Variants in EFCC1 observed in about 807,000 individuals in gnomAD.
EFCC1 encodes the protein EF-hand and coiled-coil domain-containing protein 1.
In EFCC1, 50 loss-of-function variants were observed where a neutral mutation model predicts 52.1. The ratio of observed to expected loss-of-function variants is 0.96; its 90% CI spans 0.76 to 1.21. The LOEUF is 1.21. EFCC1 is among the 50% of genes most tolerant of loss of function. EFCC1 has a pLI of 0.00. For synonymous variants in EFCC1, 399 were observed against 396.5 expected (o/e 1.01, Z -0.08); for missense variants, 837 against 867.3 (o/e 0.97, Z 0.44).
Position 129,003,993 on chromosome 3 carries a change from T to A in EFCC1, c.896T>A (p.Val299Glu), listed in dbSNP as rs1048329805. Residue 299 changes from valine (V) to glutamate (E), a missense_variant, in exon 2 of 8, where the codon GTG (valine) becomes GAG (glutamate). By Grantham distance (121) the Val-to-Glu change is moderately radical. Coordinates refer to ENST00000683648, the MANE Select transcript of EFCC1 (RefSeq NM_001377500.1). ...GTGGTGCTGCGCAGCCTGCACCGCG[T>A]GCGAGAGCTGGAGGCGCTGGCGCAA... ...RQVVLRSLHRVRELEALAQQV... is the reference protein window; with the variant it reads ...RQVVLRSLHRERELEALAQQV... 6 of 1,501,580 alleles carry A rather than the reference T, an allele frequency of 4.0e-6. No individual in the cohort carries two copies. The highest frequency in any genetic ancestry group is 2.9e-5 in the African/African-American group (2 of 69,088). 93.0% of individuals were successfully genotyped at this position (1,501,580 alleles called of 1,614,324 possible). A position where few individuals can be genotyped will look rare whatever the true frequency, so the allele number is the denominator to read the frequency against.
Position 129,001,491 on chromosome 3 carries a change from G to T in EFCC1, c.-138G>T. On this transcript the variant is annotated 5_prime_UTR_variant, in exon 1 of 8. Coordinates refer to ENST00000683648, the MANE Select transcript of EFCC1 (RefSeq NM_001377500.1). ...CACTGTGAGGCCAGCGCAGCTGCTG[G>T]ACACGGTCCCCGGCGCCGCTCCAAC... 1.6e-6 allele frequency: 2 copies of T among 1,278,042 alleles called. No individual in the cohort carries two copies. Among genetic ancestry groups the T allele is most frequent in the South Asian group, 2.3e-5 (1 of 44,086 alleles). The allele number at this position is 1,278,042 out of a possible 1,614,324, so 79.2% of individuals were successfully genotyped here.
chr3:129,016,694 A>G (rs1001112792), intron 2 of EFCC1, among the ~76,000 whole-genome samples: 1 of 152,108 alleles, frequency 6.6e-6, no homozygotes, highest in African/African-American at 2.4e-5. Context: ...CACTGGCCCC[A>G]CTTCTCTGGT....
At chr3:129,039,136 T>C (rs1946392785) in intron 7 of EFCC1, among the ~76,000 whole-genome samples, 1 of 152,218 alleles carries the variant, frequency 6.6e-6, no homozygotes. Context: ...CCGGCAGCAC[T>C]GCAGCCACAT....
In EFCC1 at chr3:129,001,573, T is replaced by C; in HGVS notation, c.-56T>C. On this transcript the variant is annotated 5_prime_UTR_variant, in exon 1 of 8. Transcript: ENST00000683648. ...GAAACTCTGGGGCCGCCCCTGGAAG[T>C]GGCGGGGCGAAGGGACCGGAGGAGG... 3 of 1,346,298 alleles carry C rather than the reference T, an allele frequency of 2.2e-6. No homozygotes were observed. The South Asian group carries it at 5.6e-5, about 25-fold the overall frequency. 83.4% of individuals were successfully genotyped at this position (1,346,298 alleles called of 1,614,324 possible). A position where few individuals can be genotyped will look rare whatever the true frequency, so the allele number is the denominator to read the frequency against.
intron 2 of EFCC1, among the ~76,000 whole-genome samples, chr3:129,008,877 T>A (rs1047506417): frequency 6.6e-6 from 1 of 152,114 alleles, no homozygotes; most frequent in Non-Finnish European, 1.5e-5. Context: ...GATCCTGCTT[T>A]CCCACAGCTG....
At chr3:129,003,164 T>A in intron 1 of EFCC1, 1 of 923,162 alleles carries the variant, frequency 1.1e-6, no homozygotes, top group South Asian at 5.0e-5. Context: ...GGTGTGGTTT[T>A]CAGTGTCAGT....
chr3:129,026,926 A>C lies in EFCC1; in HGVS notation c.981-3777A>C, dbSNP rs1410396683. Reference sequence around the variant, plus strand: ...TTTTATGAATCAGAGTCATGGGCTCAAAAAACACGAAATTCCAGGGTTAGC... The same window carrying C: ...TTTTATGAATCAGAGTCATGGGCTCCAAAAACACGAAATTCCAGGGTTAGC... On this transcript the variant is annotated intron_variant, in intron 2 of 7. Coordinates refer to ENST00000683648, the MANE Select transcript of EFCC1 (RefSeq NM_001377500.1). Among the ~76,000 whole-genome samples the C allele has an allele frequency of 2.0e-5, 3 of 152,214 alleles. No individual in the cohort carries two copies. The East Asian group carries it at 5.8e-4, about 29-fold the overall frequency.
At position 129,014,208 on chromosome 3, in the gene EFCC1, C is replaced by T. The variant is rs1022486433; in HGVS notation, c.980+10131C>T. ...GCTGGGAAGAGGCAGAGACCCTGCC[C>T]TCGTGGACCAACTCTCAGTGCGTTA... is the stretch of plus-strand genomic sequence containing the variant. On this transcript the variant is annotated intron_variant, in intron 2 of 7. Transcript: ENST00000683648. This position sits in a 1 kb window ranked among gnomAD's most constrained non-coding sequence, Gnocchi z 4.3. 5.9e-5 allele frequency among the ~76,000 whole-genome samples: 9 copies of T among 152,356 alleles called. No homozygotes were observed.
chr3:129,039,916 C>A lies in EFCC1; in HGVS notation c.*68C>A. ...CCTTTGGACCAGCCTCCATGATCAG[C>A]CCAACCACTGACAGCTGGTCTGACC... On this transcript the variant is annotated 3_prime_UTR_variant, in exon 8 of 8. Coordinates refer to ENST00000683648, the MANE Select transcript of EFCC1 (RefSeq NM_001377500.1). 1 of 1,511,310 alleles carries A rather than the reference C, an allele frequency of 6.6e-7. No homozygotes were observed. The highest frequency in any genetic ancestry group is 1.4e-5 in the African/African-American group (1 of 72,120). The allele number at this position is 1,511,310 out of a possible 1,614,324, so 93.6% of individuals were successfully genotyped here.
At chr3:129,033,022 G>C in intron 4 of EFCC1, 56 bp downstream of exon 4, 1 of 1,441,620 alleles carries the variant, frequency 6.9e-7, no homozygotes, top group South Asian at 1.5e-5. Flanking sequence ...GAGGTGTCTG[G>C]GGAAGCCAGG....
intron 1 of EFCC1, chr3:129,003,349 A>G: frequency 2.1e-6 from 2 of 934,674 alleles, no homozygotes; most frequent in Non-Finnish European, 2.6e-6. Context: ...CACACCAGTA[A>G]AGACAGATAG....
At chr3:129,028,521 T>G (rs887117045) in intron 2 of EFCC1, among the ~76,000 whole-genome samples, 2 of 152,202 alleles carry the variant, frequency 1.3e-5, no homozygotes, top group African/African-American at 4.8e-5. Context: ...AACACAGTGG[T>G]GCACGCTTAC....
intron 3 of EFCC1, 81 bp downstream of exon 3, chr3:129,030,941 C>G (rs539963488): frequency 2.0e-5 from 28 of 1,434,022 alleles, no homozygotes; most frequent in Non-Finnish European, 2.4e-5. Context: ...AAGGGCCTGT[C>G]TGCATCCATG....
rs1946408945 is a variant in EFCC1 at position 129,040,546 on chromosome 3, T to C, written c.*698T>C. On this transcript the variant is annotated 3_prime_UTR_variant, in exon 8 of 8. Transcript: ENST00000683648. This position sits in a 1 kb window ranked among gnomAD's most constrained non-coding sequence, Gnocchi z 4.4. ...GGAATGCAGTGCTTGGAGCCCCTGC[T>C]CCTGAACACGCATTAACTCCTGAAC... 2 of 152,260 alleles carry C rather than the reference T, an allele frequency of 1.3e-5. No homozygotes were observed. The highest frequency in any genetic ancestry group is 4.8e-5 in the African/African-American group (2 of 41,450). The allele number at this position is 152,260 out of a possible 1,614,324, so 9.4% of individuals were successfully genotyped here. A position where few individuals can be genotyped will look rare whatever the true frequency, so the allele number is the denominator to read the frequency against.
intron 2 of EFCC1, chr3:129,030,481 A>AT (rs1946249957): frequency 2.6e-6 from 1 of 388,310 alleles, no homozygotes; most frequent in East Asian, 3.9e-5. Flanking sequence ...GTTGCAGAAG[A>AT]TTTTGCCTTG....
chr3:129,004,101 G>A, intron 2 of EFCC1, 24 bp downstream of exon 2: 2 of 1,472,012 alleles, frequency 1.4e-6, no homozygotes, highest in Non-Finnish European at 9.0e-7. Flanking sequence ...CGTGCCCTGG[G>A]CCCAAGTTCC....
At chr3:129,032,526 A>C (rs1468296011) in intron 3 of EFCC1, among the ~76,000 whole-genome samples, 1 of 151,958 alleles carries the variant, frequency 6.6e-6, no homozygotes, top group Non-Finnish European at 1.5e-5. Context: ...AAAAAAAAAG[A>C]AAAAGAAAAG....
chr3:129,038,063 CA>C (rs5852559), intron 6 of EFCC1, among the ~76,000 whole-genome samples: 82,557 of 143,526 alleles, frequency 0.58, 24,282 homozygotes, highest in African/African-American at 0.79. Context: ...GACCTTATCT[CA>C]AAAAAAAAAA....
Position 129,003,936 on chromosome 3 carries a change from A to T in EFCC1, c.839A>T (p.Glu280Val), listed in dbSNP as rs570713711. Reference sequence around the variant, plus strand: ...GGGCGGCTGCGCCGTGGCCAGGCCGAGGTGCGGCGGCGCGCGGAGGAGGCC... The same window carrying T: ...GGGCGGCTGCGCCGTGGCCAGGCCGTGGTGCGGCGGCGCGCGGAGGAGGCC... ...RAGRLRRGQA[E>V]VRRRAEEARQ... The change falls in exon 2 of 8, where the codon GAG (glutamate) becomes GTG (valine). Residue 280 changes from glutamate (E) to valine (V), a missense_variant. By Grantham distance (121) the Glu-to-Val change is moderately radical. Coordinates refer to ENST00000683648, the MANE Select transcript of EFCC1 (RefSeq NM_001377500.1). 1.4e-6 allele frequency: 2 copies of T among 1,392,840 alleles called. No individual in the cohort carries two copies. Among genetic ancestry groups the T allele is most frequent in the South Asian group, 3.1e-5 (2 of 65,148 alleles). 86.3% of individuals were successfully genotyped at this position (1,392,840 alleles called of 1,614,324 possible). A position where few individuals can be genotyped will look rare whatever the true frequency, so the allele number is the denominator to read the frequency against.
Sources: gnomAD v4.1 joint callset for allele counts (sites outside exome capture counted in the v4.1 genomes callset) on GRCh38, gnomAD v4.1.1 for gene constraint, Gnocchi (gnomAD v3.1) non-coding constraint, MANE v1.5 for transcripts, NCBI Gene and HGNC (gene_info 2026-07-23, HGNC 2026-07-21) for gene names.